ZNF385D: variants seen among roughly 807,000 people sequenced by gnomAD.
ZNF385D encodes zinc finger protein 659.
A neutral mutation model predicts 35.8 loss-of-function variants in ZNF385D; 15 were observed. The observed-to-expected ratio is 0.42, with a 90% CI of 0.28 to 0.64. The LOEUF (loss-of-function observed/expected upper bound fraction) is 0.64. Ranked by LOEUF, ZNF385D falls within the 30% of genes least tolerant of loss-of-function variation. ZNF385D has a pLI of 0.23. For missense variants in ZNF385D, 474 were observed against 494.6 expected, an observed-to-expected ratio of 0.96 and a Z score of 0.39; for synonymous variants, 212 against 186.8, an observed-to-expected ratio of 1.13 and a Z score of -1.10.
intron 3 of ZNF385D, among the ~76,000 whole-genome samples, chr3:21,858,968 T>G (rs1032402048): frequency 6.6e-6 from 1 of 152,068 alleles, no homozygotes; most frequent in African/African-American, 2.4e-5. Flanking sequence ...TCAAGATATA[T>G]AGAAACTGAT....
At chr3:22,089,624 T>G (rs1701220275) in intron 3 of ZNF385D, among the ~76,000 whole-genome samples, 1 of 152,118 alleles carries the variant, frequency 6.6e-6, no homozygotes, top group South Asian at 2.1e-4. Context: ...GAGCCATGGA[T>G]GCACCTTCCT....
chr3:21,488,346 GACACAC>G (rs4045132), intron 4 of ZNF385D, among the ~76,000 whole-genome samples: 1 of 150,728 alleles, frequency 6.6e-6, no homozygotes, highest in Non-Finnish European at 1.5e-5. Flanking sequence ...CAGACACACA[GACACAC>G]ACACACACAC....
intron 2 of ZNF385D, among the ~76,000 whole-genome samples, chr3:21,602,890 T>C (rs2064357133): frequency 6.6e-6 from 1 of 152,096 alleles, no homozygotes; most frequent in Non-Finnish European, 1.5e-5. Flanking sequence ...ACCACTAAAA[T>C]GAAATTATAA....
intron 2 of ZNF385D, among the ~76,000 whole-genome samples, chr3:22,353,256 A>T (rs1695999807): frequency 6.6e-6 from 1 of 152,164 alleles, no homozygotes; most frequent in African/African-American, 2.4e-5. Flanking sequence ...CCATTCACTC[A>T]TCTGTGCCAT....
chr3:21,604,866 T>C (rs2064429911), intron 2 of ZNF385D, among the ~76,000 whole-genome samples: 1 of 152,196 alleles, frequency 6.6e-6, no homozygotes, highest in East Asian at 1.9e-4. Flanking sequence ...AAGGAAAGGC[T>C]AGTTTTATGT....
chr3:21,969,561 C>T (rs1246028604), intron 3 of ZNF385D, among the ~76,000 whole-genome samples: 2 of 152,108 alleles, frequency 1.3e-5, no homozygotes, highest in Non-Finnish European at 1.5e-5. Context: ...AATTAATACC[C>T]GCGGTGCTTG....
chr3:21,471,978 T>A (rs1363474693), intron 4 of ZNF385D, among the ~76,000 whole-genome samples: 2 of 152,102 alleles, frequency 1.3e-5, no homozygotes, highest in African/African-American at 4.8e-5. Context: ...AGGGAGAAAA[T>A]TTGTGTTTAT....
At chr3:21,818,434 T>TG (rs1263179818) in intron 3 of ZNF385D, among the ~76,000 whole-genome samples, 1 of 152,204 alleles carries the variant, frequency 6.6e-6, no homozygotes, top group Non-Finnish European at 1.5e-5. Flanking sequence ...TGAGACAGTG[T>TG]GGGGAAATCT....
intron 3 of ZNF385D, among the ~76,000 whole-genome samples, chr3:21,885,683 CAT>C (rs941867788): frequency 1.4e-4 from 21 of 148,854 alleles, no homozygotes; most frequent in Admixed American, 7.4e-4. Flanking sequence ...TTATAATAAA[CAT>C]ATATATATAT....
chr3:21,621,605 T>TGCA (rs2065009249), intron 2 of ZNF385D, among the ~76,000 whole-genome samples: 1 of 139,408 alleles, frequency 7.2e-6, no homozygotes, highest in Non-Finnish European at 1.6e-5. Flanking sequence ...GTTTGCTTTA[T>TGCA]GCAGCAGCAA....
chr3:22,077,773 A>C (rs2125576228), intron 3 of ZNF385D, among the ~76,000 whole-genome samples: 1 of 152,146 alleles, frequency 6.6e-6, no homozygotes, highest in Non-Finnish European at 1.5e-5. Context: ...AACAACAACA[A>C]AAGAAATGGG....
intron 3 of ZNF385D, among the ~76,000 whole-genome samples, chr3:22,024,903 A>C (rs1295433382): frequency 6.6e-6 from 1 of 152,164 alleles, no homozygotes; most frequent in Admixed American, 6.5e-5. Flanking sequence ...AGATTCCCTG[A>C]GTGAGAGTTT....
intron 3 of ZNF385D, among the ~76,000 whole-genome samples, chr3:21,796,442 A>G (rs2072155647): frequency 6.6e-6 from 1 of 152,214 alleles, no homozygotes; most frequent in African/African-American, 2.4e-5. Flanking sequence ...CATCACTACC[A>G]AGTGGGATTT....
chr3:21,751,778 T>C (rs551675050), upstream of ZNF385D, among the ~76,000 whole-genome samples: 1 of 152,176 alleles, frequency 6.6e-6, no homozygotes, highest in Non-Finnish European at 1.5e-5. Context: ...CCCTGAGCTA[T>C]TATGTTGATA....
intron 2 of ZNF385D, among the ~76,000 whole-genome samples, chr3:21,602,729 T>C (rs1043274709): frequency 2.7e-5 from 4 of 150,350 alleles, no homozygotes; most frequent in Non-Finnish European, 5.9e-5. Flanking sequence ...GAGACGGGGT[T>C]TCACCTTGTT....
At chr3:22,215,938 G>A (rs954582954) in intron 2 of ZNF385D, among the ~76,000 whole-genome samples, 13 of 151,860 alleles carry the variant, frequency 8.6e-5, no homozygotes, top group African/African-American at 1.5e-4. Context: ...AGAAAAGAAC[G>A]TATGTGAAAT....
intron 2 of ZNF385D, among the ~76,000 whole-genome samples, chr3:22,344,743 A>G (rs1305856831): frequency 2.0e-5 from 3 of 152,064 alleles, no homozygotes; most frequent in African/African-American, 7.2e-5. Context: ...TAACAGTAAC[A>G]TTTTAGACTT....
chr3:22,208,565 A>T (rs1470514948), intron 2 of ZNF385D, among the ~76,000 whole-genome samples: 1 of 151,784 alleles, frequency 6.6e-6, no homozygotes, highest in South Asian at 2.1e-4. Context: ...ATAAAAGTAT[A>T]TAATTATATT....
chr3:21,741,465 C>T (rs1003098823), intron 1 of ZNF385D, among the ~76,000 whole-genome samples: 7 of 152,128 alleles, frequency 4.6e-5, no homozygotes, highest in African/African-American at 1.4e-4. Context: ...GTGATGGTAA[C>T]GGTGACTTCC....
Sources: gnomAD v4.1 joint callset for allele counts (sites outside exome capture counted in the v4.1 genomes callset) on GRCh38, gnomAD v4.1.1 for gene constraint, MANE v1.5 for transcripts, NCBI Gene and HGNC (gene_info 2026-07-23, HGNC 2026-07-21) for gene names.